The following CASZ1 variants were observed in gnomAD, a reference collection of about 807,000 sequenced individuals.
CASZ1 encodes zinc finger protein castor homolog 1.
CASZ1 carries 28 observed loss-of-function variants against 135.2 expected under a neutral mutation model. That is an observed-to-expected ratio of 0.21 (90% CI 0.15 to 0.28). The LOEUF (loss-of-function observed/expected upper bound fraction) is 0.28, where lower values mean the gene tolerates loss of function less well. Ranked by LOEUF, CASZ1 falls within the 10% of genes least tolerant of loss-of-function variation. The pLI, the probability that CASZ1 is intolerant of heterozygous loss-of-function variation, is 1.00. For synonymous variants in CASZ1, 1,068 were observed against 1,073.4 expected, an observed-to-expected ratio of 0.99 and a Z score of 0.10; for missense variants, 2,161 against 2,453.3, an observed-to-expected ratio of 0.88 and a Z score of 2.52.
At chr1:10,728,691 A>C (rs972049401) in intron 2 of CASZ1, among the ~76,000 whole-genome samples, 6 of 151,948 alleles carry the variant, frequency 3.9e-5, no homozygotes, top group Non-Finnish European at 7.4e-5. Context: ...CCCGGCTTGA[A>C]AAAAAGCCTC....
chr1:10,650,630 C>A lies in CASZ1; in HGVS notation c.2880+62G>T, dbSNP rs1642537219. 2.2e-6 allele frequency: 3 copies of A among 1,393,912 alleles called. No individual in the cohort carries two copies. In the Admixed American group the frequency reaches 5.0e-5, roughly 23 times the overall value. The allele number at this position is 1,393,912 out of a possible 1,614,324, so 86.3% of individuals were successfully genotyped here. A position where few individuals can be genotyped will look rare whatever the true frequency, so the allele number is the denominator to read the frequency against. ...AAAAAACAAACACATCCCCCCACCC[C>A]CCAGCACAGCTTTAATTTCTCTGGG... On this transcript the variant is annotated intron_variant, in intron 13 of 20. Coordinates refer to ENST00000377022, the MANE Select transcript of CASZ1 (RefSeq NM_001079843.3).
chr1:10,644,386 C>T (rs774667213), intron 18 of CASZ1, among the ~76,000 whole-genome samples: 10 of 152,072 alleles, frequency 6.6e-5, no homozygotes, highest in African/African-American at 1.2e-4. Context: ...AGAACTTGAC[C>T]GTTCCCCATT....
intron 1 of CASZ1, among the ~76,000 whole-genome samples, chr1:10,769,731 G>C (rs1281334564): frequency 6.6e-6 from 1 of 152,150 alleles, no homozygotes; most frequent in East Asian, 1.9e-4. Context: ...TGGCCAGGCT[G>C]GTCTCAAACT....
In CASZ1 at chr1:10,756,160, C is replaced by T. The variant is rs6688219; in HGVS notation, c.-77+4541G>A. The stretch of plus-strand genomic sequence containing the variant: ...GCACCAGCTGTAGGCCTGGGAGAGC[C>T]CCACCACTCCCGCAAGCCGCTGCCA... On this transcript the variant is annotated intron_variant, in intron 2 of 20. Transcript: ENST00000377022. The surrounding 1 kb of genome is among the most constrained non-coding windows in gnomAD (Gnocchi z 5.9). Among the ~76,000 whole-genome samples the T allele has an allele frequency of 0.017, 2,551 of 152,220 alleles. 31 individuals are homozygous for T. Among genetic ancestry groups the T allele is most frequent in the Middle Eastern group, 0.027 (8 of 294 alleles).
At position 10,777,430 on chromosome 1, in the gene CASZ1, C is replaced by G. The variant is rs1640680918; in HGVS notation, c.-233-16573G>C. Among the ~76,000 whole-genome samples, 1 of 152,158 alleles carries G rather than the reference C, an allele frequency of 6.6e-6. No individual in the cohort carries two copies. The highest frequency in any genetic ancestry group is 1.9e-4 in the East Asian group (1 of 5,190). On this transcript the variant is annotated intron_variant, in intron 1 of 20. Coordinates refer to ENST00000377022, the MANE Select transcript of CASZ1 (RefSeq NM_001079843.3). The surrounding 1 kb of genome is among the most constrained non-coding windows in gnomAD (Gnocchi z 4.4). The stretch of plus-strand genomic sequence containing the variant: ...CATCATTCCCACAAAATCCTCTGAG[C>G]TCATGCGGAAGGAAGAATTGCCATT...
At chr1:10,659,669 G>A (rs767363421) in intron 6 of CASZ1, 33 bp downstream of exon 6, 2 of 1,562,920 alleles carry the variant, frequency 1.3e-6, no homozygotes, top group East Asian at 4.5e-5. Context: ...CTGGCTCCTG[G>A]CTCTGGGCAT....
intron 1 of CASZ1, among the ~76,000 whole-genome samples, chr1:10,791,909 A>G (rs566655546): frequency 2.6e-5 from 4 of 152,146 alleles, no homozygotes; most frequent in Non-Finnish European, 4.4e-5. Context: ...TCTGAAAACA[A>G]CACAATAATT....
chr1:10,770,592 G>C lies in CASZ1; in HGVS notation c.-233-9735C>G, dbSNP rs145420822. 5.7e-3 allele frequency among the ~76,000 whole-genome samples: 861 copies of C among 152,234 alleles called. 3 individuals carry two copies. The highest frequency in any genetic ancestry group is 0.016 in the South Asian group (77 of 4,814). ...GAAAGGAGCCAGCAGTGCGGTCACA[G>C]GCCCCCTCTGTCCTGCATGCTCCCA... is the stretch of plus-strand genomic sequence containing the variant. On this transcript the variant is annotated intron_variant, in intron 1 of 20. Transcript: ENST00000377022.
intron 4 of CASZ1, among the ~76,000 whole-genome samples, chr1:10,681,784 G>A (rs1284598082): frequency 1.3e-5 from 2 of 152,198 alleles, no homozygotes; most frequent in Admixed American, 6.5e-5. Flanking sequence ...ACCCCCTCGG[G>A]GCTCCAGGAA....
rs560288592 is a variant in CASZ1, at chr1:10,770,189, A to G, written c.-233-9332T>C. Among the ~76,000 whole-genome samples, 140 of 152,120 alleles carry G rather than the reference A, an allele frequency of 9.2e-4. 1 individual carries two copies. Among genetic ancestry groups the G allele is most frequent in the Non-Finnish European group, 1.5e-3 (103 of 67,996 alleles). ...AGCCTCCACCTCCTGGGCTCAAGCC[A>G]TACTCCCACCTCAGCCTCTCAAGTA... is the stretch of plus-strand genomic sequence containing the variant. On this transcript the variant is annotated intron_variant, in intron 1 of 20. Coordinates refer to ENST00000377022, the MANE Select transcript of CASZ1 (RefSeq NM_001079843.3).
At chr1:10,743,375 A>G (rs959253215) in intron 2 of CASZ1, among the ~76,000 whole-genome samples, 1 of 149,732 alleles carries the variant, frequency 6.7e-6, no homozygotes, top group African/African-American at 2.4e-5. Flanking sequence ...AAGTACCCCC[A>G]CTCAGACCCA....
chr1:10,794,803 A>C lies in CASZ1; in HGVS notation c.-234+1761T>G, dbSNP rs1248471608. ...TCCCTCCAGCCGTGATTGACGGCGC[A>C]TACACCTGTTCCCTTCGCGGAGGAG... On this transcript the variant is annotated intron_variant, in intron 1 of 20. Coordinates refer to ENST00000377022, the MANE Select transcript of CASZ1 (RefSeq NM_001079843.3). This position sits in a 1 kb window ranked among gnomAD's most constrained non-coding sequence, Gnocchi z 5.6. 1.3e-5 allele frequency among the ~76,000 whole-genome samples: 2 copies of C among 152,112 alleles called. No individual in the cohort carries two copies. Among genetic ancestry groups the C allele is most frequent in the East Asian group, 3.9e-4 (2 of 5,182 alleles).
At chr1:10,715,518 A>T (rs1264885724) in intron 2 of CASZ1, among the ~76,000 whole-genome samples, 12 of 148,366 alleles carry the variant, frequency 8.1e-5, no homozygotes, top group Non-Finnish European at 1.5e-5. Context: ...TCCACACCCC[A>T]CAGCACCCAA....
At chr1:10,669,576 G>A (rs1254816840) in intron 4 of CASZ1, among the ~76,000 whole-genome samples, 3 of 152,218 alleles carry the variant, frequency 2.0e-5, no homozygotes, top group Non-Finnish European at 2.9e-5. Context: ...AGCTCTGGGT[G>A]AGAGGGGCGT....
At chr1:10,789,124 C>T (rs377735363) in intron 1 of CASZ1, among the ~76,000 whole-genome samples, 1 of 152,126 alleles carries the variant, frequency 6.6e-6, no homozygotes, top group African/African-American at 2.4e-5. Flanking sequence ...GGGGACATGG[C>T]GCCCAGGAGA....
At chr1:10,710,447 A>G (rs1639263970) in intron 2 of CASZ1, among the ~76,000 whole-genome samples, 1 of 152,144 alleles carries the variant, frequency 6.6e-6, no homozygotes, top group Non-Finnish European at 1.5e-5. Context: ...CTTGGGCAGG[A>G]CCCCTAGTCT....
intron 4 of CASZ1, among the ~76,000 whole-genome samples, chr1:10,691,619 C>A (rs538786386): frequency 7.9e-5 from 12 of 152,318 alleles, no homozygotes; most frequent in South Asian, 2.1e-4. Context: ...TCACCAGCCA[C>A]GAGCCCCGGC....
intron 15 of CASZ1, 199 bp from the exon 16 acceptor site, chr1:10,648,338 G>C (rs1366916519): frequency 3.9e-6 from 2 of 519,356 alleles, no homozygotes; most frequent in Non-Finnish European, 6.7e-6. Context: ...TTCCGAACTT[G>C]GTCTCCTGGC....
At position 10,700,111 on chromosome 1, in the gene CASZ1, A is replaced by ACACACACACACACACACCCACCCACC. The variant is rs1212625170; in HGVS notation, c.-24+5380_-24+5381insGGTGGGTGGGTGTGTGTGTGTGTGTG. Among the ~76,000 whole-genome samples, 2 of 152,024 alleles carry ACACACACACACACACACCCACCCACC rather than the reference A, an allele frequency of 1.3e-5. No homozygotes were observed. Among genetic ancestry groups the ACACACACACACACACACCCACCCACC allele is most frequent in the East Asian group, 3.9e-4 (2 of 5,112 alleles). Reference sequence around the variant, plus strand: ...CACACACACACACACACACACACACACACACAGAGTATGAAGCAGGGACCT... The same window carrying ACACACACACACACACACCCACCCACC: ...CACACACACACACACACACACACACACACACACACACACACACCCACCCACCCACACAGAGTATGAAGCAGGGACCT... On this transcript the variant is annotated intron_variant, in intron 3 of 20. Transcript: ENST00000377022. The surrounding 1 kb of genome is among the most constrained non-coding windows in gnomAD (Gnocchi z 4.2).
Sources: allele counts gnomAD v4.1 joint callset (sites outside exome capture counted in the v4.1 genomes callset), GRCh38; gene constraint gnomAD v4.1.1; non-coding constraint Gnocchi (gnomAD v3.1); transcripts MANE v1.5; gene names NCBI Gene and HGNC (gene_info 2026-07-23, HGNC 2026-07-21).